The following MEI1 variants were observed in gnomAD, a reference collection of about 807,000 sequenced individuals.
MEI1 encodes the protein meiotic double-stranded break formation protein 1, also known as meiosis inhibitor protein 1.
In MEI1, 103 loss-of-function variants were observed where a neutral mutation model predicts 146.2. That is an observed-to-expected ratio of 0.70 (90% CI 0.60 to 0.83). The LOEUF (loss-of-function observed/expected upper bound fraction) is 0.83, where lower values mean the gene tolerates loss of function less well. Ranked by LOEUF, MEI1 falls within the 40% of genes least tolerant of loss-of-function variation. The pLI is 0.00. For missense variants in MEI1, 1,529 were observed against 1,533.0 expected (o/e 1.00, Z 0.04); for synonymous variants, 652 against 628.2 (o/e 1.04, Z -0.57).
At chr22:41,762,745 T>G (rs2147970295) in intron 18 of MEI1, among the ~76,000 whole-genome samples, 1 of 152,260 alleles carries the variant, frequency 6.6e-6, no homozygotes, top group African/African-American at 2.4e-5. Flanking sequence ...TGATGACCTC[T>G]AATTTATCCA....
At chr22:41,739,590 C>T (rs1161715621) in intron 11 of MEI1, among the ~76,000 whole-genome samples, 1 of 140,158 alleles carries the variant, frequency 7.1e-6, no homozygotes, top group Non-Finnish European at 1.5e-5. Context: ...ACAGTGACTT[C>T]AGTCTGTCTT....
chr22:41,730,953 C>A (rs965536564), intron 9 of MEI1, among the ~76,000 whole-genome samples: 7 of 151,832 alleles, frequency 4.6e-5, no homozygotes, highest in African/African-American at 1.7e-4. Context: ...AGATTTAGTT[C>A]TTTCCCATGC....
At chr22:41,723,761 C>T (rs1429295201) in intron 6 of MEI1, among the ~76,000 whole-genome samples, 182 bp from the exon 7 acceptor site, 3 of 152,154 alleles carry the variant, frequency 2.0e-5, no homozygotes, top group African/African-American at 4.8e-5. Flanking sequence ...AGTGGGCTCT[C>T]ACTAGATCTG....
intron 15 of MEI1, among the ~76,000 whole-genome samples, chr22:41,752,075 A>G (rs2073794815): frequency 6.6e-6 from 1 of 152,060 alleles, no homozygotes; most frequent in African/African-American, 2.4e-5. Flanking sequence ...TCTCAGGAAA[A>G]AAAAAAAAAG....
intron 30 of MEI1, among the ~76,000 whole-genome samples, chr22:41,797,396 G>A (rs1487064210): frequency 2.0e-5 from 3 of 152,118 alleles, no homozygotes. Flanking sequence ...TGGATCATCT[G>A]AGGTCAGGAG....
At chr22:41,755,663 T>C (rs2074043406) in intron 17 of MEI1, among the ~76,000 whole-genome samples, 2 of 152,192 alleles carry the variant, frequency 1.3e-5, no homozygotes, top group East Asian at 3.9e-4. Context: ...TTAAATCTCA[T>C]TGTGCCAGGA....
In MEI1 at chr22:41,795,764, C is replaced by G. The variant is rs765407438; in HGVS notation, c.3696C>G (p.His1232Gln). Residue 1232 changes from histidine to glutamine, a missense_variant, in exon 30 of 31, where the codon CAC becomes CAG. Transcript: ENST00000401548. This position sits in a 1 kb window ranked among gnomAD's most constrained non-coding sequence, Gnocchi z 4.2. ...AGAGCATGGGACACCTGGCTGACCA[C>G]AGCATGGCCCAGACCCTGCAGGCCT... ...QLQSMGHLADHSMAQTLQASL... is the reference protein window; with the variant it reads ...QLQSMGHLADQSMAQTLQASL... 3.7e-6 allele frequency: 6 copies of G among 1,613,644 alleles called. No individual in the cohort carries two copies. The Admixed American group carries it at 1.0e-4, about 27-fold the overall frequency.
At chr22:41,729,817 G>C in intron 8 of MEI1, 38 bp downstream of exon 8, 9 of 1,352,998 alleles carry the variant, frequency 6.7e-6, no homozygotes, top group Non-Finnish European at 9.2e-6. Context: ...CCCTATACTA[G>C]AAGGATGGGG....
intron 21 of MEI1, among the ~76,000 whole-genome samples, chr22:41,777,705 A>G (rs534581935): frequency 2.5e-4 from 38 of 152,304 alleles, no homozygotes; most frequent in African/African-American, 8.7e-4. Context: ...TATAAACAAC[A>G]GGAATTTATT....
intron 9 of MEI1, 72 bp from the exon 10 acceptor site, chr22:41,732,173 C>T (rs897135989): frequency 2.4e-5 from 29 of 1,228,994 alleles, no homozygotes; most frequent in Non-Finnish European, 3.1e-5. Context: ...GAGCCTGTCA[C>T]CTCTTCTGGG....
intron 20 of MEI1, among the ~76,000 whole-genome samples, chr22:41,774,796 A>T (rs759995295): frequency 3.8e-4 from 58 of 152,238 alleles, no homozygotes; most frequent in Non-Finnish European, 6.2e-4. Context: ...AACACAACAT[A>T]GTACCTGACA....
intron 11 of MEI1, among the ~76,000 whole-genome samples, chr22:41,738,102 G>T (rs550487394): frequency 6.6e-6 from 1 of 151,122 alleles, no homozygotes; most frequent in East Asian, 2.0e-4. Flanking sequence ...ATCGCTTGAG[G>T]CTAAGCGTTT....
intron 14 of MEI1, among the ~76,000 whole-genome samples, chr22:41,746,734 A>G (rs879895997): frequency 9.9e-5 from 15 of 152,068 alleles, no homozygotes; most frequent in Non-Finnish European, 1.8e-4. Flanking sequence ...ACTCCTAACC[A>G]TTTACTGGGA....
chr22:41,793,752 C>G (rs1262020035), intron 26 of MEI1, 77 bp from the exon 27 acceptor site: 1 of 1,296,672 alleles, frequency 7.7e-7, no homozygotes, highest in African/African-American at 1.5e-5. Flanking sequence ...CTCTGAAAAC[C>G]AAATGTTTTT....
At chr22:41,798,116 AACACACACACACACACAC>A (rs60766866) in intron 30 of MEI1, among the ~76,000 whole-genome samples, 5,516 of 135,846 alleles carry the variant, frequency 0.041, 287 homozygotes, top group African/African-American at 0.12. Flanking sequence ...TCCTCAGCCC[AACACACACACACACACAC>A]ACACACACAC....
intron 11 of MEI1, among the ~76,000 whole-genome samples, chr22:41,738,416 G>A (rs1005807378): frequency 6.6e-6 from 1 of 152,092 alleles, no homozygotes; most frequent in Non-Finnish European, 1.5e-5. Context: ...GTTCATCCCC[G>A]TTTCTACTAA....
In MEI1 at chr22:41,797,591, G is replaced by A. The variant is rs184139007; in HGVS notation, c.3780-1663G>A. 4.4e-3 allele frequency among the ~76,000 whole-genome samples: 673 copies of A among 152,204 alleles called. 3 individuals carry two copies. Among genetic ancestry groups the A allele is most frequent in the Non-Finnish European group, 7.4e-3 (503 of 68,020 alleles). ...TGCACCACTGCACTCCAGCCAGGGC[G>A]ACAGAGCAAGACTCCGTCTCAAAAA... is the stretch of plus-strand genomic sequence containing the variant. On this transcript the variant is annotated intron_variant, in intron 30 of 30. Transcript: ENST00000401548.
At chr22:41,767,217 G>T (rs2074913873) in intron 19 of MEI1, among the ~76,000 whole-genome samples, 1 of 152,168 alleles carries the variant, frequency 6.6e-6, no homozygotes, top group Admixed American at 6.5e-5. Context: ...TTATGAAAAG[G>T]CTTCCTTGGT....
At chr22:41,700,858 T>G (rs2068661763) in intron 1 of MEI1, among the ~76,000 whole-genome samples, 1 of 149,152 alleles carries the variant, frequency 6.7e-6, no homozygotes, top group Non-Finnish European at 1.5e-5. Context: ...TGCCTTGACC[T>G]CCCAAAGTCC....
Sources: allele counts gnomAD v4.1 joint callset (sites outside exome capture counted in the v4.1 genomes callset), GRCh38; gene constraint gnomAD v4.1.1; non-coding constraint Gnocchi (gnomAD v3.1); transcripts MANE v1.5; gene names NCBI Gene and HGNC (gene_info 2026-07-23, HGNC 2026-07-21).